The following SGCZ variants were observed in gnomAD, a reference collection of about 807,000 sequenced individuals.
SGCZ encodes sarcoglycan zeta, also known as zeta-sarcoglycan.
A neutral mutation model predicts 41.3 loss-of-function variants in SGCZ; 40 were observed. The observed-to-expected ratio is 0.97, with a 90% CI of 0.75 to 1.26. SGCZ has a LOEUF of 1.26. Ranked by LOEUF, SGCZ falls within the 50% of genes most tolerant of loss-of-function variation. The probability of loss-of-function intolerance (pLI) is 0.00; values close to 1 mark genes in which losing one functional copy is unlikely to be tolerated. For missense variants in SGCZ, 552 were observed against 369.8 expected, an observed-to-expected ratio of 1.49 and a Z score of -4.04; for synonymous variants, 206 against 137.5, an observed-to-expected ratio of 1.50 and a Z score of -3.49.
intron 4 of SGCZ, among the ~76,000 whole-genome samples, chr8:14,197,445 T>C (rs563053345): frequency 6.6e-6 from 1 of 152,178 alleles, no homozygotes; most frequent in East Asian, 1.9e-4. Flanking sequence ...ATAAAAATGA[T>C]AATACATCAT....
intron 2 of SGCZ, among the ~76,000 whole-genome samples, chr8:14,339,089 CAT>C (rs1802607744): frequency 6.9e-6 from 1 of 145,588 alleles, no homozygotes; most frequent in Non-Finnish European, 1.6e-5. Flanking sequence ...ACAACTATAA[CAT>C]ATTATGTTTT....
intron 1 of SGCZ, among the ~76,000 whole-genome samples, chr8:14,945,751 A>G (rs1563381719): frequency 6.6e-6 from 1 of 151,556 alleles, no homozygotes; most frequent in Non-Finnish European, 1.5e-5. Context: ...TGAAGCTGGG[A>G]CATCCTTCTT....
At chr8:14,405,332 CTTTAT>C (rs1266532751) in intron 2 of SGCZ, among the ~76,000 whole-genome samples, 2 of 151,186 alleles carry the variant, frequency 1.3e-5, no homozygotes, top group African/African-American at 2.4e-5. Context: ...ACAATGATTA[CTTTAT>C]GTATCTTCCC....
At chr8:14,164,944 G>A in intron 4 of SGCZ, 1 of 423,590 alleles carries the variant, frequency 2.4e-6, no homozygotes, top group Admixed American at 3.9e-5. Flanking sequence ...TAGCATGTGA[G>A]TTTAGCCAGT....
rs1033072433 is a variant in SGCZ at position 14,646,299 on chromosome 8, G to A, written c.40-91373C>T. On this transcript the variant is annotated intron_variant, in intron 1 of 7. Transcript: ENST00000382080. The stretch of plus-strand genomic sequence containing the variant: ...TTCCCACTTATGAGCAAGAACATGT[G>A]GTATTTGGTTTTCTGTTCATGCATT... Among the ~76,000 whole-genome samples, 2 of 151,874 alleles carry A rather than the reference G, an allele frequency of 1.3e-5. 1 individual carries two copies. Among genetic ancestry groups the A allele is most frequent in the East Asian group, 3.9e-4 (2 of 5,174 alleles).
In SGCZ at chr8:14,237,698, A is replaced by G. The variant is rs766216607; in HGVS notation, c.337-19T>C. ...GACTATCCTGGGAAACATGTATAAA[A>G]TAAATAAATAGAAAATAGAAATATC... is the stretch of plus-strand genomic sequence containing the variant. On this transcript the variant is annotated intron_variant, in intron 3 of 7. Coordinates refer to ENST00000382080, the MANE Select transcript of SGCZ (RefSeq NM_139167.4). 8.8e-6 allele frequency: 14 copies of G among 1,589,314 alleles called. No homozygotes were observed. In the East Asian group the frequency reaches 1.3e-4, roughly 15 times the overall value.
At chr8:14,213,489 C>A (rs897353306) in intron 4 of SGCZ, among the ~76,000 whole-genome samples, 7 of 151,998 alleles carry the variant, frequency 4.6e-5, no homozygotes, top group Admixed American at 3.3e-4. Flanking sequence ...TAAACACCTT[C>A]TTATACAAAG....
chr8:14,572,360 G>C (rs1804580554), intron 1 of SGCZ, among the ~76,000 whole-genome samples: 1 of 152,008 alleles, frequency 6.6e-6, no homozygotes, highest in African/African-American at 2.4e-5. Context: ...TCTTAACACT[G>C]ACTAATCCTT....
chr8:14,145,188 C>A (rs942874135), intron 5 of SGCZ, among the ~76,000 whole-genome samples: 2 of 152,106 alleles, frequency 1.3e-5, no homozygotes, highest in African/African-American at 4.8e-5. Flanking sequence ...GTAGGGGCCA[C>A]AGGGGTGCTT....
At chr8:14,459,514 C>T (rs954951857) in intron 2 of SGCZ, among the ~76,000 whole-genome samples, 1 of 152,026 alleles carries the variant, frequency 6.6e-6, no homozygotes, top group African/African-American at 2.4e-5. Flanking sequence ...TTAATGCAGG[C>T]AAGATCTATT....
At chr8:14,390,570 T>A (rs993260884) in intron 2 of SGCZ, among the ~76,000 whole-genome samples, 23 of 151,942 alleles carry the variant, frequency 1.5e-4, no homozygotes, top group African/African-American at 5.3e-4. Context: ...TGATTTAAAA[T>A]TTTTTTAAAA....
chr8:14,162,872 T>A (rs1382367551), intron 5 of SGCZ, among the ~76,000 whole-genome samples: 2 of 152,166 alleles, frequency 1.3e-5, no homozygotes, highest in Non-Finnish European at 2.9e-5. Context: ...CACATCTTTT[T>A]ATTTTATTTT....
At chr8:15,183,617 A>T (rs1800243650) in intron 1 of SGCZ, among the ~76,000 whole-genome samples, 1 of 152,218 alleles carries the variant, frequency 6.6e-6, no homozygotes, top group Admixed American at 6.5e-5. Flanking sequence ...TTAAAGCCAA[A>T]ATGATCCTAT....
At chr8:14,850,224 T>C (rs915514406) in intron 1 of SGCZ, among the ~76,000 whole-genome samples, 22 of 152,228 alleles carry the variant, frequency 1.4e-4, no homozygotes, top group African/African-American at 5.3e-4. Flanking sequence ...CATTCAAATG[T>C]TCATTCAATA....
At chr8:14,380,355 T>C (rs565152276) in intron 2 of SGCZ, among the ~76,000 whole-genome samples, 1 of 152,346 alleles carries the variant, frequency 6.6e-6, no homozygotes, top group East Asian at 1.9e-4. Context: ...ACCTATATTT[T>C]TCTAGTGTTG....
chr8:14,678,043 A>G (rs529346946), intron 1 of SGCZ, among the ~76,000 whole-genome samples: 2 of 152,326 alleles, frequency 1.3e-5, no homozygotes, highest in East Asian at 3.9e-4. Context: ...AAAAATTAAT[A>G]CAAAATGGAT....
chr8:14,882,260 G>C (rs1177982121), intron 1 of SGCZ, among the ~76,000 whole-genome samples: 1 of 152,132 alleles, frequency 6.6e-6, no homozygotes, highest in Admixed American at 6.5e-5. Context: ...CGGAACAGAA[G>C]TCATTCCTTG....
At chr8:15,145,132 T>G (rs920333259) in intron 1 of SGCZ, among the ~76,000 whole-genome samples, 10 of 152,192 alleles carry the variant, frequency 6.6e-5, no homozygotes, top group Non-Finnish European at 1.5e-4. Context: ...CCCTGCCGTA[T>G]CGCCTCAGTC....
At chr8:14,277,384 C>G (rs1407271233) in intron 3 of SGCZ, among the ~76,000 whole-genome samples, 4 of 151,986 alleles carry the variant, frequency 2.6e-5, no homozygotes, top group Non-Finnish European at 5.9e-5. Flanking sequence ...AATGCCAGTT[C>G]AAATTATATT....
Sources: allele counts gnomAD v4.1 joint callset (sites outside exome capture counted in the v4.1 genomes callset), GRCh38; gene constraint gnomAD v4.1.1; transcripts MANE v1.5; gene names NCBI Gene and HGNC (gene_info 2026-07-23, HGNC 2026-07-21).